IMPG2: variants seen among roughly 807,000 people sequenced by gnomAD.
IMPG2 encodes interphotoreceptor matrix proteoglycan 2.
A neutral mutation model predicts 129.2 loss-of-function variants in IMPG2; 91 were observed. The observed-to-expected ratio is 0.70, with a 90% CI of 0.59 to 0.84. IMPG2 has a LOEUF of 0.84. Among genes scored for constraint, IMPG2 ranks in the 40% least tolerant of loss-of-function variants. The probability of loss-of-function intolerance (pLI) is 0.00; values close to 1 mark genes in which losing one functional copy is unlikely to be tolerated. For missense variants in IMPG2, 1,430 were observed against 1,461.7 expected, an observed-to-expected ratio of 0.98 and a Z score of 0.35; for synonymous variants, 510 against 517.7, an observed-to-expected ratio of 0.99 and a Z score of 0.20.
At chr3:101,276,851 AG>A in intron 4 of IMPG2, 138 bp from the exon 5 acceptor site, 2 of 654,472 alleles carry the variant, frequency 3.1e-6, no homozygotes, top group African/African-American at 1.8e-5. Context: ...CAAAAAGCAA[AG>A]TTTTTTAAAA....
chr3:101,264,273 C>T (rs886792374), intron 9 of IMPG2, among the ~76,000 whole-genome samples: 3 of 151,820 alleles, frequency 2.0e-5, no homozygotes, highest in Non-Finnish European at 4.4e-5. Flanking sequence ...GGGCAAAATC[C>T]CTGATGAACA....
chr3:101,254,185 A>G (rs1024466937), intron 10 of IMPG2, among the ~76,000 whole-genome samples: 3 of 152,126 alleles, frequency 2.0e-5, no homozygotes, highest in African/African-American at 7.2e-5. Context: ...TGCAAAAATA[A>G]TTGCCTTTTG....
At chr3:101,263,820 A>T (rs1276447793) in intron 9 of IMPG2, among the ~76,000 whole-genome samples, 2 of 151,096 alleles carry the variant, frequency 1.3e-5, no homozygotes, top group Non-Finnish European at 3.0e-5. Flanking sequence ...CTTATGGTCT[A>T]TAGCATTCTA....
At chr3:101,260,137 C>T (rs1281497063) in intron 9 of IMPG2, among the ~76,000 whole-genome samples, 1 of 152,088 alleles carries the variant, frequency 6.6e-6, no homozygotes, top group East Asian at 1.9e-4. Context: ...ATAAACGTGA[C>T]ACTTCCACCT....
intron 7 of IMPG2, among the ~76,000 whole-genome samples, chr3:101,270,995 G>A (rs986997616): frequency 6.6e-6 from 1 of 151,742 alleles, no homozygotes; most frequent in African/African-American, 2.4e-5. Context: ...GAGGAGAGTG[G>A]GATTTTTAAA....
rs1706202793 is a variant in IMPG2 at position 101,224,689 on chromosome 3, TG to T, written c.*2279del. Reference sequence around the variant, plus strand: ...ACTGTGTTCTTCAACCTTTCAACAGTGGTTCAGCTATAGCAAAGGCAGGACA... The same window carrying T: ...ACTGTGTTCTTCAACCTTTCAACAGTGTTCAGCTATAGCAAAGGCAGGACA... On this transcript the variant is annotated 3_prime_UTR_variant, in exon 19 of 19. Coordinates refer to ENST00000193391, the MANE Select transcript of IMPG2 (RefSeq NM_016247.4). 6.6e-6 allele frequency: 1 copy of T among 152,174 alleles called. No homozygotes were observed. Among genetic ancestry groups the T allele is most frequent in the African/African-American group, 2.4e-5 (1 of 41,434 alleles). 9.4% of individuals were successfully genotyped at this position (152,174 alleles called of 1,614,324 possible).
rs72932465 is a variant in IMPG2, at chr3:101,262,389, T to G, written c.909-4616A>C. On this transcript the variant is annotated intron_variant, in intron 9 of 18. Transcript: ENST00000193391. ...AGAGAGAAACGGTATGTTATATATC[T>G]CATAGACTATTTCTGTGCTATACAT... Among the ~76,000 whole-genome samples the G allele has an allele frequency of 2.6e-3, 396 of 152,210 alleles. 1 individual carries two copies. The highest frequency in any genetic ancestry group is 9.0e-3 in the African/African-American group (375 of 41,552).
intron 10 of IMPG2, among the ~76,000 whole-genome samples, chr3:101,254,857 G>GTA (rs1706581869): frequency 6.6e-6 from 1 of 151,928 alleles, no homozygotes; most frequent in Non-Finnish European, 1.5e-5. Flanking sequence ...TCTCATGATA[G>GTA]TAAGTGAGTC....
chr3:101,295,626 T>G (rs1307289425), intron 3 of IMPG2, among the ~76,000 whole-genome samples: 1 of 152,178 alleles, frequency 6.6e-6, no homozygotes, highest in Admixed American at 6.5e-5. Flanking sequence ...GGGAAGAGCA[T>G]TGAGTCTATA....
rs749927541 is a variant in IMPG2, at chr3:101,319,706, G to C, written c.212C>G (p.Thr71Ser). The change falls in exon 2 of 19, where the codon ACT (threonine) becomes AGT (serine). Residue 71 changes from threonine to serine, a missense_variant. Transcript: ENST00000193391. Reference sequence around the variant, plus strand: ...CCTTCTGATTAACCACTGTCTTTCAGTTTCTCTGCGGTCCAGAGGCTGTTT... The same window carrying C: ...CCTTCTGATTAACCACTGTCTTTCACTTTCTCTGCGGTCCAGAGGCTGTTT... ...KKKQPLDRRE[T>S]ERQWLIRRRR... The C allele has an allele frequency of 6.2e-7, 1 of 1,613,686 alleles. No individual in the cohort carries two copies. Among genetic ancestry groups the C allele is most frequent in the East Asian group, 2.2e-5 (1 of 44,866 alleles).
chr3:101,268,685 T>C (rs1433898157), intron 8 of IMPG2, among the ~76,000 whole-genome samples: 1 of 152,206 alleles, frequency 6.6e-6, no homozygotes, highest in Non-Finnish European at 1.5e-5. Flanking sequence ...TTATTTCTGG[T>C]AAACTCAGAA....
intron 7 of IMPG2, 110 bp downstream of exon 7, chr3:101,273,471 C>T: frequency 8.5e-7 from 1 of 1,170,262 alleles, no homozygotes; most frequent in African/African-American, 1.5e-5. Flanking sequence ...CTCCAGGAAC[C>T]AAGTAGACAA....
chr3:101,296,903 G>C (rs1441770038), intron 3 of IMPG2, among the ~76,000 whole-genome samples: 1 of 151,914 alleles, frequency 6.6e-6, no homozygotes, highest in African/African-American at 2.4e-5. Context: ...GGCAGTTTTT[G>C]TTGTTGTTGT....
intron 3 of IMPG2, among the ~76,000 whole-genome samples, chr3:101,300,574 A>G (rs1167625986): frequency 6.6e-6 from 1 of 152,234 alleles, no homozygotes; most frequent in East Asian, 1.9e-4. Flanking sequence ...TTCCGTGGAA[A>G]AAGCACGTTT....
intron 10 of IMPG2, among the ~76,000 whole-genome samples, chr3:101,256,811 A>G (rs984257573): frequency 6.6e-6 from 1 of 152,112 alleles, no homozygotes; most frequent in Non-Finnish European, 1.5e-5. Flanking sequence ...GAGTAAAGAA[A>G]TCATGGAGAA....
intron 2 of IMPG2, among the ~76,000 whole-genome samples, chr3:101,308,039 T>A (rs750438171): frequency 6.6e-6 from 1 of 152,240 alleles, no homozygotes; most frequent in African/African-American, 2.4e-5. Flanking sequence ...TCTGACTCCA[T>A]GTCTCACATC....
chr3:101,234,469 G>T (rs1228904756), intron 14 of IMPG2, among the ~76,000 whole-genome samples: 1 of 152,042 alleles, frequency 6.6e-6, no homozygotes, highest in African/African-American at 2.4e-5. Flanking sequence ...TTGTTTTAAG[G>T]CACCTAGTTT....
At chr3:101,314,555 C>T (rs954662959) in intron 2 of IMPG2, among the ~76,000 whole-genome samples, 3 of 152,062 alleles carry the variant, frequency 2.0e-5, no homozygotes, top group Admixed American at 6.6e-5. Context: ...ACTCATTCTT[C>T]GAAATCCAGG....
At chr3:101,310,559 CAAAAAAAAAAA>C (rs199570786) in intron 2 of IMPG2, among the ~76,000 whole-genome samples, 2 of 126,504 alleles carry the variant, frequency 1.6e-5, no homozygotes, top group Non-Finnish European at 1.6e-5. Flanking sequence ...GACCCTGTCT[CAAAAAAAAAAA>C]AAAAAAAAAA....
Sources: gnomAD v4.1 joint callset for allele counts (sites outside exome capture counted in the v4.1 genomes callset) on GRCh38, gnomAD v4.1.1 for gene constraint, MANE v1.5 for transcripts, NCBI Gene and HGNC (gene_info 2026-07-23, HGNC 2026-07-21) for gene names.